The following EXOSC1 variants were observed in gnomAD, a reference collection of about 807,000 sequenced individuals.
EXOSC1 encodes exosome complex component CSL4.
Under a neutral mutation model 31.4 loss-of-function variants are expected in EXOSC1, and 27 were observed. The observed-to-expected ratio is 0.86, with a 90% CI of 0.63 to 1.18. The LOEUF (loss-of-function observed/expected upper bound fraction) is 1.18. Among genes scored for constraint, EXOSC1 ranks in the 50% most tolerant of loss-of-function variants. EXOSC1 has a pLI of 0.00. For missense variants in EXOSC1, 228 were observed against 250.3 expected (o/e 0.91, Z 0.60); for synonymous variants, 84 against 89.5 (o/e 0.94, Z 0.35).
At chr10:97,439,207 A>T (rs1845639901) in intron 4 of EXOSC1, among the ~76,000 whole-genome samples, 1 of 152,230 alleles carries the variant, frequency 6.6e-6, no homozygotes, top group African/African-American at 2.4e-5. Context: ...CTCTGATTAG[A>T]TAAAGGCAGA....
At chr10:97,445,543 C>A in intron 2 of EXOSC1, 189 bp downstream of exon 2, 1 of 610,154 alleles carries the variant, frequency 1.6e-6, no homozygotes, top group East Asian at 2.8e-5. Flanking sequence ...CACAACCAAG[C>A]GAGATCAACA....
chr10:97,445,997 T>C lies in EXOSC1; in HGVS notation c.-12A>G. 3.1e-6 allele frequency: 5 copies of C among 1,614,194 alleles called. No homozygotes were observed. Among genetic ancestry groups the C allele is most frequent in the Non-Finnish European group, 4.2e-6 (5 of 1,180,032 alleles). ...ACAGGTGGCGCCATGATTGCCGCTG[T>C]CCCAAAACCAGGATGAAAACGAAGT... is the stretch of plus-strand genomic sequence containing the variant. On this transcript the variant is annotated 5_prime_UTR_variant, in exon 1 of 8. Transcript: ENST00000370902.
intron 2 of EXOSC1, chr10:97,443,830 T>A (rs1262159230): frequency 6.5e-6 from 1 of 152,800 alleles, no homozygotes; most frequent in Admixed American, 6.5e-5. Flanking sequence ...TTCACTCTTG[T>A]TGCCTAGGAT....
chr10:97,440,334 T>C (rs1845675968), intron 4 of EXOSC1, among the ~76,000 whole-genome samples: 1 of 152,028 alleles, frequency 6.6e-6, no homozygotes, highest in African/African-American at 2.4e-5. Context: ...TCAATTCTTT[T>C]TGCTTTACCT....
chr10:97,436,802 T>A lies in EXOSC1; in HGVS notation c.482-251A>T, dbSNP rs538655778. On this transcript the variant is annotated intron_variant, in intron 7 of 7. Transcript: ENST00000370902. ...ACTTTGGGAGGCCAAGGCGGGCAGA[T>A]CATTTGAGGCCAGGAGTTTGAGACC... Among the ~76,000 whole-genome samples the A allele has an allele frequency of 2.0e-4, 30 of 152,324 alleles. No homozygotes were observed. The East Asian group carries it at 3.3e-3, about 17-fold the overall frequency.
At chr10:97,445,875 G>A (rs1456917505) in intron 1 of EXOSC1, 28 bp from the exon 2 acceptor site, 10 of 1,613,050 alleles carry the variant, frequency 6.2e-6, no homozygotes, top group Non-Finnish European at 7.6e-6. Flanking sequence ...CATCGGTCAC[G>A]GGCCCCCAGA....
chr10:97,444,316 A>G (rs1010381229), intron 2 of EXOSC1: 1 of 152,238 alleles, frequency 6.6e-6, no homozygotes, highest in Non-Finnish European at 1.5e-5. Context: ...GTTGCTCACA[A>G]TGCTTCAGCT....
At chr10:97,445,675 A>G in intron 2 of EXOSC1, 57 bp downstream of exon 2, 2 of 1,537,324 alleles carry the variant, frequency 1.3e-6, no homozygotes, top group South Asian at 1.2e-5. Flanking sequence ...TAAGGACTGG[A>G]ACTCAAGGGC....
Position 97,436,406 on chromosome 10 carries a change from G to GA in EXOSC1, c.*38dup. 6.9e-7 allele frequency: 1 copy of GA among 1,459,348 alleles called. No homozygotes were observed. The highest frequency in any genetic ancestry group is 1.1e-5 in the South Asian group (1 of 87,426). The allele number at this position is 1,459,348 out of a possible 1,614,324, so 90.4% of individuals were successfully genotyped here. ...AGCAGCATCTTGGTGTTATACTCAG[G>GA]AACAGCTTACCCCCTTCCATAGGGT... is the stretch of plus-strand genomic sequence containing the variant. On this transcript the variant is annotated 3_prime_UTR_variant, in exon 8 of 8. Coordinates refer to ENST00000370902, the MANE Select transcript of EXOSC1 (RefSeq NM_016046.5).
In EXOSC1 at chr10:97,437,759, AAAGAACAGG is replaced by A. The variant is rs1845589386; in HGVS notation, c.346-18_346-10del. The A allele has an allele frequency of 6.2e-7, 1 of 1,612,192 alleles. No homozygotes were observed. Among genetic ancestry groups the A allele is most frequent in the African/African-American group, 1.3e-5 (1 of 75,006 alleles). On this transcript the variant is annotated splice_polypyrimidine_tract_variant and intron_variant, in intron 5 of 7. Coordinates refer to ENST00000370902, the MANE Select transcript of EXOSC1 (RefSeq NM_016046.5). ...CTCTTATAAATTTCAACCTGTAAAG[AAAGAACAGG>A]AATGTTAAGTGAAAGCTCTAGACTG...
At chr10:97,438,208 C>A (rs1407344355) in intron 5 of EXOSC1, among the ~76,000 whole-genome samples, 1 of 152,006 alleles carries the variant, frequency 6.6e-6, no homozygotes, top group Non-Finnish European at 1.5e-5. Flanking sequence ...TGATCCACTG[C>A]ACCCGGCCCT....
intron 1 of EXOSC1, 31 bp downstream of exon 1, chr10:97,445,924 C>G (rs1221613005): frequency 1.2e-6 from 2 of 1,613,982 alleles, no homozygotes; most frequent in Admixed American, 1.7e-5. Context: ...CAGCCCCTAT[C>G]CAGGACTCTG....
At position 97,437,155 on chromosome 10, in the gene EXOSC1, A is replaced by G. The variant is rs1845562599; in HGVS notation, c.481+36T>C. 2.6e-6 allele frequency: 4 copies of G among 1,563,398 alleles called. No homozygotes were observed. In the African/African-American group the frequency reaches 5.4e-5, roughly 21 times the overall value. On this transcript the variant is annotated intron_variant, in intron 7 of 7. Transcript: ENST00000370902. ...TGGATTTATCCCAAACCATAGATCC[A>G]GGGAAAGTAAGGATGTGGAAACAAG...
chr10:97,437,405 C>T (rs187225803), intron 6 of EXOSC1, 130 bp from the exon 7 acceptor site: 21 of 705,028 alleles, frequency 3.0e-5, no homozygotes, highest in South Asian at 2.8e-4. Flanking sequence ...GGCTGGAGTG[C>T]GGTGGCGTGA....
At chr10:97,440,200 G>A (rs1249170793) in intron 4 of EXOSC1, among the ~76,000 whole-genome samples, 9 of 152,052 alleles carry the variant, frequency 5.9e-5, no homozygotes, top group African/African-American at 1.7e-4. Flanking sequence ...TCGAACTCCC[G>A]ACCTCAGGTG....
At chr10:97,441,112 C>A in intron 4 of EXOSC1, 59 bp downstream of exon 4, 1 of 1,364,188 alleles carries the variant, frequency 7.3e-7, no homozygotes, top group Non-Finnish European at 1.0e-6. Context: ...TTCTGGTGTC[C>A]TAGTCTATCC....
rs1183441103 is a variant in EXOSC1, at chr10:97,437,188, C to A, written c.481+3G>T. 1 of 1,613,828 alleles carries A rather than the reference C, an allele frequency of 6.2e-7. No individual in the cohort carries two copies. The highest frequency in any genetic ancestry group is 2.2e-5 in the East Asian group (1 of 44,870). On this transcript the variant is annotated splice_donor_region_variant and intron_variant, in intron 7 of 7. Transcript: ENST00000370902. ...TAAGGATGTGGAAACAAGGCCATCT[C>A]ACCTGACTCACTGTGGGCTACCACC...
intron 3 of EXOSC1, 107 bp from the exon 4 acceptor site, chr10:97,441,366 A>C: frequency 1.2e-6 from 1 of 815,232 alleles, no homozygotes; most frequent in Non-Finnish European, 2.0e-6. Flanking sequence ...AACCCTACTA[A>C]GTAGAGAATT....
At chr10:97,436,610 T>A (rs1033448788) in intron 7 of EXOSC1, 59 bp from the exon 8 acceptor site, 27 of 1,488,622 alleles carry the variant, frequency 1.8e-5, no homozygotes, top group Non-Finnish European at 2.3e-5. Context: ...GCGACTCCTC[T>A]TTTATGCTGG....
Sources: gnomAD v4.1 joint callset for allele counts (sites outside exome capture counted in the v4.1 genomes callset) on GRCh38, gnomAD v4.1.1 for gene constraint, MANE v1.5 for transcripts, NCBI Gene and HGNC (gene_info 2026-07-23, HGNC 2026-07-21) for gene names.